POU1F1: variants seen among roughly 807,000 people sequenced by gnomAD.
POU1F1 encodes POU class 1 homeobox 1, also known as pituitary-specific positive transcription factor 1.
In POU1F1, 23 loss-of-function variants were observed where a neutral mutation model predicts 32.3. The ratio of observed to expected loss-of-function variants is 0.71; its 90% CI spans 0.51 to 1.01. The LOEUF (loss-of-function observed/expected upper bound fraction) is 1.01, where lower values mean the gene tolerates loss of function less well. Among genes scored for constraint, POU1F1 ranks in the 50% least tolerant of loss-of-function variants. The pLI is 0.00. For missense variants in POU1F1, 323 were observed against 341.6 expected, an observed-to-expected ratio of 0.95 and a Z score of 0.43; for synonymous variants, 120 against 115.6, an observed-to-expected ratio of 1.04 and a Z score of -0.25.
chr3:87,265,224 T>C (rs1706595248), intron 2 of POU1F1, among the ~76,000 whole-genome samples: 1 of 152,024 alleles, frequency 6.6e-6, no homozygotes, highest in Non-Finnish European at 1.5e-5. Context: ...TTGAAAAATA[T>C]ACAATATAAT....
chr3:87,264,618 TG>T (rs1706583031), intron 2 of POU1F1, 106 bp from the exon 3 acceptor site: 5 of 859,196 alleles, frequency 5.8e-6, no homozygotes, highest in African/African-American at 1.7e-5. Flanking sequence ...TGCTCTAGCC[TG>T]TCTCAGTACT....
intron 2 of POU1F1, among the ~76,000 whole-genome samples, chr3:87,266,142 CA>C (rs1706615915): frequency 6.7e-6 from 1 of 148,430 alleles, no homozygotes; most frequent in Non-Finnish European, 1.5e-5. Flanking sequence ...ATATAATGAG[CA>C]AAGAATACCG....
chr3:87,263,260 ATACTT>A (rs1205923380), intron 3 of POU1F1, among the ~76,000 whole-genome samples: 1 of 152,186 alleles, frequency 6.6e-6, no homozygotes, highest in Non-Finnish European at 1.5e-5. Flanking sequence ...ATTAAATAAT[ATACTT>A]TACACTCATA....
At chr3:87,261,728 ATAT>A (rs1706517720) in intron 4 of POU1F1, among the ~76,000 whole-genome samples, 1 of 152,186 alleles carries the variant, frequency 6.6e-6, no homozygotes, top group African/African-American at 2.4e-5. Flanking sequence ...GTGTACACTA[ATAT>A]TAGGATACAA....
At chr3:87,271,622 G>C (rs1227309957) in intron 2 of POU1F1, among the ~76,000 whole-genome samples, 1 of 152,016 alleles carries the variant, frequency 6.6e-6, no homozygotes, top group Non-Finnish European at 1.5e-5. Flanking sequence ...TGCTGTAAAG[G>C]CCACAGAAAG....
chr3:87,259,492 G>A lies in POU1F1; in HGVS notation c.*402C>T. The A allele has an allele frequency of 5.8e-6, 1 of 171,220 alleles. No homozygotes were observed. The highest frequency in any genetic ancestry group is 1.3e-4 in the South Asian group (1 of 7,408). The allele number at this position is 171,220 out of a possible 1,614,324, so 10.6% of individuals were successfully genotyped here. The stretch of plus-strand genomic sequence containing the variant: ...GAAAGCAGAACATTGGTTAATTTTT[G>A]AATTGGATATTTCTGGTGATGTGCT... On this transcript the variant is annotated 3_prime_UTR_variant, in exon 6 of 6. Transcript: ENST00000350375.
chr3:87,272,031 G>C (rs138210014), intron 2 of POU1F1, among the ~76,000 whole-genome samples: 120 of 150,082 alleles, frequency 8.0e-4, no homozygotes, highest in Admixed American at 3.1e-3. Context: ...TAAACTATTT[G>C]CTCCATTTTA....
chr3:87,272,853 A>G (rs200034613), intron 2 of POU1F1, among the ~76,000 whole-genome samples: 13 of 126,472 alleles, frequency 1.0e-4, no homozygotes, highest in South Asian at 5.2e-4. Context: ...TATAATGATG[A>G]GGGGGGGTGT....
chr3:87,265,018 C>T (rs537655794), intron 2 of POU1F1, among the ~76,000 whole-genome samples: 157 of 152,102 alleles, frequency 1.0e-3, no homozygotes, highest in African/African-American at 1.9e-3. Context: ...AATATAAAAA[C>T]GCCCCACTAT....
chr3:87,269,849 G>A (rs901728457), intron 2 of POU1F1, among the ~76,000 whole-genome samples: 1 of 152,124 alleles, frequency 6.6e-6, no homozygotes, highest in South Asian at 2.1e-4. Context: ...CTACTTCTTG[G>A]TTTGGCCACT....
intron 2 of POU1F1, among the ~76,000 whole-genome samples, chr3:87,272,207 A>C (rs911065912): frequency 1.3e-5 from 2 of 151,906 alleles, no homozygotes; most frequent in Admixed American, 1.3e-4. Context: ...CACACCATGC[A>C]CACGCACACA....
At chr3:87,276,255 G>A in intron 1 of POU1F1, 66 bp downstream of exon 1, 1 of 1,542,520 alleles carries the variant, frequency 6.5e-7, no homozygotes, top group Non-Finnish European at 9.0e-7. Context: ...TAACTATCAA[G>A]ATTCAAAGCA....
intron 2 of POU1F1, among the ~76,000 whole-genome samples, chr3:87,266,171 G>A (rs999691847): frequency 1.3e-4 from 19 of 145,162 alleles, no homozygotes; most frequent in African/African-American, 4.3e-4. Context: ...GCAAATTGTT[G>A]GTTTATATTT....
chr3:87,261,348 AGAG>A lies in POU1F1; in HGVS notation c.605-18_605-16del, dbSNP rs768862427. The stretch of plus-strand genomic sequence containing the variant: ...ATTGTACAAAGCTATAATGTGGAAA[AGAG>A]AGATAATTACAAACACAAAGTAGAC... On this transcript the variant is annotated splice_polypyrimidine_tract_variant and intron_variant, in intron 4 of 5. Coordinates refer to ENST00000350375, the MANE Select transcript of POU1F1 (RefSeq NM_000306.4). The A allele has an allele frequency of 6.4e-7, 1 of 1,571,108 alleles. No homozygotes were observed. The highest frequency in any genetic ancestry group is 1.7e-5 in the Admixed American group (1 of 58,724).
At chr3:87,260,705 G>C (rs1180281286) in intron 5 of POU1F1, among the ~76,000 whole-genome samples, 1 of 152,098 alleles carries the variant, frequency 6.6e-6, no homozygotes, top group African/African-American at 2.4e-5. Context: ...TAAAAGGGGA[G>C]AAGATATGGC....
chr3:87,269,638 G>A (rs981700505), intron 2 of POU1F1, among the ~76,000 whole-genome samples: 11 of 152,112 alleles, frequency 7.2e-5, no homozygotes, highest in Middle Eastern at 3.4e-3. Context: ...GCTGATTTCC[G>A]TTTTCTTCTG....
chr3:87,261,215 T>C (rs1706508639), intron 5 of POU1F1, 58 bp downstream of exon 5: 3 of 1,215,062 alleles, frequency 2.5e-6, no homozygotes, highest in Non-Finnish European at 3.6e-6. Flanking sequence ...ACTCAAATGC[T>C]CATTCCATTT....
At chr3:87,267,452 AG>A (rs1314904042) in intron 2 of POU1F1, among the ~76,000 whole-genome samples, 3 of 152,188 alleles carry the variant, frequency 2.0e-5, no homozygotes, top group Non-Finnish European at 4.4e-5. Context: ...GTCTATACTC[AG>A]GCAAATTAAA....
At position 87,262,194 on chromosome 3, in the gene POU1F1, G is replaced by A. The variant is rs768914485; in HGVS notation, c.481C>T (p.His161Tyr). 1 of 1,614,134 alleles carries A rather than the reference G, an allele frequency of 6.2e-7. No individual in the cohort carries two copies. Among genetic ancestry groups the A allele is most frequent in the Admixed American group, 1.7e-5 (1 of 60,022 alleles). ...GTTGTTTGACTGAATTCAGAGCCATGCACAGCTGCCAGGGCCTCCCCAACA... is the reference window on the plus strand; with the variant it reads ...GTTGTTTGACTGAATTCAGAGCCATACACAGCTGCCAGGGCCTCCCCAACA... ...TNVGEALAAVHGSEFSQTTIC... is the reference protein window; with the variant it reads ...TNVGEALAAVYGSEFSQTTIC... Residue 161 changes from histidine to tyrosine, a missense_variant, in exon 4 of 6, where the codon CAT becomes TAT. Transcript: ENST00000350375.
Sources: gnomAD v4.1 joint callset for allele counts (sites outside exome capture counted in the v4.1 genomes callset) on GRCh38, gnomAD v4.1.1 for gene constraint, MANE v1.5 for transcripts, NCBI Gene and HGNC (gene_info 2026-07-23, HGNC 2026-07-21) for gene names.